RGS17: variants seen among roughly 807,000 people sequenced by gnomAD.
RGS17 encodes regulator of G protein signaling 17, also known as regulator of G-protein signaling 17.
RGS17 carries 12 observed loss-of-function variants against 25.5 expected under a neutral mutation model. That is an observed-to-expected ratio of 0.47 (90% confidence interval 0.30 to 0.76). RGS17 has a LOEUF of 0.76. Ranked by LOEUF, RGS17 falls within the 30% of genes least tolerant of loss-of-function variation. The pLI, the probability that RGS17 is intolerant of heterozygous loss-of-function variation, is 0.07. For missense variants in RGS17, 196 were observed against 242.2 expected (o/e 0.81, Z 1.27); for synonymous variants, 71 against 76.9 (o/e 0.92, Z 0.40).
At chr6:153,029,288 A>C (rs1779336000) in intron 2 of RGS17, among the ~76,000 whole-genome samples, 1 of 152,222 alleles carries the variant, frequency 6.6e-6, no homozygotes, top group African/African-American at 2.4e-5. Context: ...GGTCTTAAAA[A>C]ATGGGTTTCA....
chr6:153,017,753 T>G (rs1410133039), intron 4 of RGS17, among the ~76,000 whole-genome samples: 3 of 152,244 alleles, frequency 2.0e-5, no homozygotes, highest in African/African-American at 4.8e-5. Context: ...TTCTCCATTT[T>G]TCTCTCTTAT....
chr6:153,020,844 T>C (rs1424931538), intron 4 of RGS17, among the ~76,000 whole-genome samples: 1 of 152,200 alleles, frequency 6.6e-6, no homozygotes, highest in Admixed American at 6.5e-5. Context: ...GAGAAACAGA[T>C]AGGAACTCAG....
At chr6:153,119,708 G>A (rs1308375742) in intron 1 of RGS17, among the ~76,000 whole-genome samples, 5 of 151,962 alleles carry the variant, frequency 3.3e-5, no homozygotes, top group African/African-American at 7.3e-5. Flanking sequence ...AAGAAAAAAC[G>A]GTTATTTCCA....
At chr6:153,114,365 C>T (rs936911941) in intron 1 of RGS17, among the ~76,000 whole-genome samples, 1 of 152,112 alleles carries the variant, frequency 6.6e-6, no homozygotes, top group African/African-American at 2.4e-5. Context: ...CATAAACCCT[C>T]CCAAGACTAA....
intron 2 of RGS17, among the ~76,000 whole-genome samples, chr6:153,033,718 AAAAT>A (rs1232658075): frequency 1.3e-5 from 2 of 152,070 alleles, no homozygotes. Flanking sequence ...ACTTCATCTC[AAAAT>A]AAATAAATAA....
chr6:153,099,211 A>C (rs1777260279), intron 1 of RGS17, among the ~76,000 whole-genome samples: 1 of 152,266 alleles, frequency 6.6e-6, no homozygotes, highest in Non-Finnish European at 1.5e-5. Context: ...CATACTTTTA[A>C]AATGAAAGCA....
chr6:153,129,886 G>A (rs1777760626), intron 1 of RGS17, among the ~76,000 whole-genome samples: 1 of 152,216 alleles, frequency 6.6e-6, no homozygotes, highest in African/African-American at 2.4e-5. Flanking sequence ...GTTCTCCCAC[G>A]TGAACCGACG....
In RGS17 at chr6:153,007,589, A is replaced by G. The variant is rs1172863348; in HGVS notation, c.*3985T>C. On this transcript the variant is annotated 3_prime_UTR_variant, in exon 5 of 5. Transcript: ENST00000206262. ...CTGTCTAAGACTTAAAAATATTATT[A>G]TTATAATTATTATTATTATTTTGAG... The G allele has an allele frequency of 6.6e-6, 1 of 151,666 alleles. No homozygotes were observed. The highest frequency in any genetic ancestry group is 2.4e-5 in the African/African-American group (1 of 41,334). 9.4% of individuals were successfully genotyped at this position (151,666 alleles called of 1,614,324 possible). A position where few individuals can be genotyped will look rare whatever the true frequency, so the allele number is the denominator to read the frequency against.
chr6:153,045,764 A>T (rs576199018), intron 1 of RGS17, among the ~76,000 whole-genome samples: 92 of 152,352 alleles, frequency 6.0e-4, no homozygotes, highest in Non-Finnish European at 9.7e-4. Flanking sequence ...TTAGTTTAAC[A>T]AACATATATT....
At chr6:153,111,033 G>C (rs1284685923) in intron 1 of RGS17, among the ~76,000 whole-genome samples, 1 of 151,886 alleles carries the variant, frequency 6.6e-6, no homozygotes, top group Non-Finnish European at 1.5e-5. Flanking sequence ...CACCAAGCTA[G>C]CTGCAGGAGT....
chr6:153,124,384 G>A (rs1777677241), intron 1 of RGS17, among the ~76,000 whole-genome samples: 1 of 152,114 alleles, frequency 6.6e-6, no homozygotes, highest in South Asian at 2.1e-4. Flanking sequence ...CGAAATACAT[G>A]GAGAACAACC....
intron 1 of RGS17, among the ~76,000 whole-genome samples, chr6:153,124,491 T>C (rs1777678475): frequency 6.6e-6 from 1 of 152,244 alleles, no homozygotes; most frequent in African/African-American, 2.4e-5. Context: ...CTTGTACCTA[T>C]TTTGATTTAT....
rs1228714669 is a variant in RGS17, at chr6:153,010,697, G to T, written c.*877C>A. On this transcript the variant is annotated 3_prime_UTR_variant, in exon 5 of 5. Coordinates refer to ENST00000206262, the MANE Select transcript of RGS17 (RefSeq NM_012419.5). ...TTATTATTATTTTTTTCTTGCTGAA[G>T]TACATAACTTTACACAACCATTTTA... is the stretch of plus-strand genomic sequence containing the variant. 2.0e-5 allele frequency: 3 copies of T among 151,874 alleles called. No homozygotes were observed. 9.4% of individuals were successfully genotyped at this position (151,874 alleles called of 1,614,324 possible). A position where few individuals can be genotyped will look rare whatever the true frequency, so the allele number is the denominator to read the frequency against.
At chr6:153,115,606 C>T (rs928701215) in intron 1 of RGS17, among the ~76,000 whole-genome samples, 4 of 152,008 alleles carry the variant, frequency 2.6e-5, no homozygotes, top group Admixed American at 6.6e-5. Context: ...AAAAAGAGCC[C>T]GTATAGCCAA....
intron 1 of RGS17, among the ~76,000 whole-genome samples, chr6:153,084,371 C>T (rs1239081647): frequency 1.3e-5 from 2 of 152,074 alleles, no homozygotes; most frequent in Admixed American, 1.3e-4. Context: ...ATTCTAAAAC[C>T]AACTGACATA....
At chr6:153,023,427 C>G in intron 4 of RGS17, 1 of 494,760 alleles carries the variant, frequency 2.0e-6, no homozygotes, top group Non-Finnish European at 4.1e-6. Flanking sequence ...CCCTCTGGAG[C>G]TCCATCACAC....
chr6:153,054,079 C>CAA (rs1776515253), intron 1 of RGS17, among the ~76,000 whole-genome samples: 1 of 21,562 alleles, frequency 4.6e-5, no homozygotes. Flanking sequence ...TATATATATA[C>CAA]ACACAATATT....
At chr6:153,023,393 C>A in intron 4 of RGS17, 1 of 510,968 alleles carries the variant, frequency 2.0e-6, no homozygotes, top group Non-Finnish European at 3.9e-6. Context: ...CTAGGAACCT[C>A]TATGTTCTCT....
chr6:153,116,945 G>A (rs968354711), intron 1 of RGS17, among the ~76,000 whole-genome samples: 1 of 152,122 alleles, frequency 6.6e-6, no homozygotes, highest in Non-Finnish European at 1.5e-5. Flanking sequence ...ACTAGGGGAG[G>A]GGTAGCATTA....
Sources: gnomAD v4.1 joint callset for allele counts (sites outside exome capture counted in the v4.1 genomes callset) on GRCh38, gnomAD v4.1.1 for gene constraint, MANE v1.5 for transcripts, NCBI Gene and HGNC (gene_info 2026-07-23, HGNC 2026-07-21) for gene names.